The following ANO4 variants were observed in gnomAD, a reference collection of about 807,000 sequenced individuals.
ANO4 encodes anoctamin-4.
ANO4 carries 69 observed loss-of-function variants against 141.9 expected under a neutral mutation model. That is an observed-to-expected ratio of 0.49 (90% confidence interval 0.40 to 0.59). The LOEUF (loss-of-function observed/expected upper bound fraction) is 0.59. Ranked by LOEUF, ANO4 falls within the 20% of genes least tolerant of loss-of-function variation. ANO4 has a pLI of 0.00. For missense variants in ANO4, 894 were observed against 1,162.2 expected, an observed-to-expected ratio of 0.77 and a Z score of 3.36; for synonymous variants, 350 against 394.3, an observed-to-expected ratio of 0.89 and a Z score of 1.33.
chr12:100,946,349 G>C (rs563592651), intron 5 of ANO4, among the ~76,000 whole-genome samples: 1 of 152,198 alleles, frequency 6.6e-6, no homozygotes, highest in Non-Finnish European at 1.5e-5. Flanking sequence ...AGATTAGACT[G>C]TGAGGGGTGG....
At chr12:101,126,740 C>G (rs2051331299) in intron 26 of ANO4, 139 bp from the exon 27 acceptor site, 1 of 689,956 alleles carries the variant, frequency 1.4e-6, no homozygotes, top group Non-Finnish European at 2.4e-6. Context: ...GTCCTATCAT[C>G]TTGCATTACA....
At chr12:101,067,124 T>C (rs1010972783) in intron 14 of ANO4, 13 of 340,262 alleles carry the variant, frequency 3.8e-5, no homozygotes, top group Non-Finnish European at 1.6e-5. Context: ...ATATCCACTT[T>C]TTATAATGGA....
intron 3 of ANO4, among the ~76,000 whole-genome samples, chr12:100,777,298 T>TTTTTTTTG (rs1555216684): frequency 7.2e-6 from 1 of 139,540 alleles, no homozygotes; most frequent in Non-Finnish European, 1.5e-5. Flanking sequence ...TTTTTTTTTT[T>TTTTTTTTG]AGTAGAGATG....
chr12:101,118,776 G>A (rs1444981507), intron 25 of ANO4, among the ~76,000 whole-genome samples: 2 of 151,920 alleles, frequency 1.3e-5, no homozygotes, highest in Non-Finnish European at 2.9e-5. Flanking sequence ...ATGCAGGTTT[G>A]TTACATATGT....
chr12:101,101,443 C>T (rs2050182014), intron 22 of ANO4, among the ~76,000 whole-genome samples: 1 of 152,068 alleles, frequency 6.6e-6, no homozygotes, highest in South Asian at 2.1e-4. Flanking sequence ...TTGACACCCA[C>T]CCTCATCTTT....
chr12:100,787,741 C>T (rs1171947417), intron 3 of ANO4, among the ~76,000 whole-genome samples: 3 of 152,184 alleles, frequency 2.0e-5, no homozygotes, highest in African/African-American at 7.2e-5. Context: ...AGATTTCTAG[C>T]TGCCCTGTAA....
intron 2 of ANO4, among the ~76,000 whole-genome samples, chr12:100,919,709 TATG>T (rs2041526741): frequency 7.1e-6 from 1 of 140,470 alleles, no homozygotes; most frequent in Non-Finnish European, 1.5e-5. Context: ...TGTGTGTATG[TATG>T]TATGTATGTA....
At chr12:101,035,067 C>T (rs2047140923) in intron 9 of ANO4, among the ~76,000 whole-genome samples, 1 of 152,092 alleles carries the variant, frequency 6.6e-6, no homozygotes, top group Non-Finnish European at 1.5e-5. Context: ...AAAGTTAAAG[C>T]ATATATTGAT....
At chr12:101,095,956 G>A (rs989710766) in intron 18 of ANO4, among the ~76,000 whole-genome samples, 3 of 152,196 alleles carry the variant, frequency 2.0e-5, no homozygotes, top group African/African-American at 7.2e-5. Flanking sequence ...GACACAGATG[G>A]TGATATGAAT....
intron 1 of ANO4, among the ~76,000 whole-genome samples, chr12:100,827,538 G>A (rs1731240614): frequency 6.6e-6 from 1 of 151,804 alleles, no homozygotes; most frequent in African/African-American, 2.4e-5. Flanking sequence ...CTACTGCTAT[G>A]CCTAGAATAA....
At chr12:100,759,089 C>T (rs571066049) in intron 3 of ANO4, among the ~76,000 whole-genome samples, 2 of 152,284 alleles carry the variant, frequency 1.3e-5, no homozygotes, top group African/African-American at 4.8e-5. Context: ...TAACTCACCA[C>T]ACTTGGTATT....
chr12:100,927,805 C>G (rs769297126), intron 3 of ANO4, among the ~76,000 whole-genome samples: 4 of 152,050 alleles, frequency 2.6e-5, no homozygotes. Flanking sequence ...TGGATATATA[C>G]TGTAGGGACA....
At chr12:100,987,367 A>G (rs1471427995) in intron 7 of ANO4, among the ~76,000 whole-genome samples, 172 bp from the exon 8 acceptor site, 1 of 152,146 alleles carries the variant, frequency 6.6e-6, no homozygotes, top group African/African-American at 2.4e-5. Flanking sequence ...TCAAAACAAC[A>G]CTAGAGTTCT....
At chr12:101,005,594 C>T (rs2045836129) in intron 8 of ANO4, among the ~76,000 whole-genome samples, 1 of 152,152 alleles carries the variant, frequency 6.6e-6, no homozygotes. Context: ...GAGCTTCAAC[C>T]TCTTCATCTG....
At chr12:101,038,156 G>A (rs988129793) in intron 10 of ANO4, among the ~76,000 whole-genome samples, 2 of 152,162 alleles carry the variant, frequency 1.3e-5, no homozygotes, top group Non-Finnish European at 2.9e-5. Context: ...CAGGAAATGT[G>A]TTTGGAATGC....
rs183872924 is a variant in ANO4, at chr12:100,914,218, T to C, written c.56-8008T>C. Among the ~76,000 whole-genome samples the C allele has an allele frequency of 1.8e-4, 27 of 152,318 alleles. 1 individual carries two copies. The highest frequency in any genetic ancestry group is 6.2e-4 in the South Asian group (3 of 4,818). ...ATGATCTTACCAATCCTGGAAAACA[T>C]AGAAGCAATTCTGCTGAAGGAGAGC... On this transcript the variant is annotated intron_variant, in intron 2 of 27. Transcript: ENST00000392977.
At chr12:101,114,948 A>AT (rs1041916122) in intron 24 of ANO4, among the ~76,000 whole-genome samples, 9 of 151,550 alleles carry the variant, frequency 5.9e-5, no homozygotes, top group African/African-American at 2.2e-4. Flanking sequence ...AGCTTGGTTC[A>AT]TTTTTTTTAA....
intron 3 of ANO4, among the ~76,000 whole-genome samples, chr12:100,764,907 A>G (rs1268654517): frequency 6.6e-6 from 1 of 152,206 alleles, no homozygotes; most frequent in Non-Finnish European, 1.5e-5. Context: ...CATCAGGAAT[A>G]TTGGCCTGCA....
chr12:100,990,640 C>G (rs939118489), intron 8 of ANO4, among the ~76,000 whole-genome samples: 1 of 152,078 alleles, frequency 6.6e-6, no homozygotes, highest in South Asian at 2.1e-4. Flanking sequence ...CAGTTTGGAC[C>G]CTGGTGTAGT....
Sources: allele counts gnomAD v4.1 joint callset (sites outside exome capture counted in the v4.1 genomes callset), GRCh38; gene constraint gnomAD v4.1.1; transcripts MANE v1.5; gene names NCBI Gene and HGNC (gene_info 2026-07-23, HGNC 2026-07-21).